MCM3AP: variants seen among roughly 807,000 people sequenced by gnomAD.
The protein encoded by MCM3AP is minichromosome maintenance complex component 3 associated protein.
MCM3AP carries 126 observed loss-of-function variants against 184.1 expected under a neutral mutation model. The observed-to-expected ratio is 0.68, with a 90% confidence interval of 0.59 to 0.79. The LOEUF is 0.79. MCM3AP is among the 30% of genes least tolerant of loss of function. The probability of loss-of-function intolerance (pLI) is 0.00; values close to 1 mark genes in which losing one functional copy is unlikely to be tolerated. For missense variants in MCM3AP, 2,496 were observed against 2,479.2 expected (o/e 1.01, Z -0.14); for synonymous variants, 1,002 against 979.3 (o/e 1.02, Z -0.43).
rs752878205 is a variant in MCM3AP at position 46,280,488 on chromosome 21, A to C, written c.1522+9T>G. ...TTTTAAAAAGTGAAAAGAATAATTG[A>C]AAACTCACTTATTTTCTTCCTGTGC... On this transcript the variant is annotated intron_variant, in intron 3 of 27. Coordinates refer to ENST00000291688, the MANE Select transcript of MCM3AP (RefSeq NM_003906.5). 1.3e-6 allele frequency: 2 copies of C among 1,581,566 alleles called. No individual in the cohort carries two copies. The highest frequency in any genetic ancestry group is 2.3e-5 in the South Asian group (2 of 88,044).
intron 5 of MCM3AP, among the ~76,000 whole-genome samples, chr21:46,276,064 C>T (rs1485901430): frequency 6.6e-6 from 1 of 152,098 alleles, no homozygotes; most frequent in Non-Finnish European, 1.5e-5. Flanking sequence ...CCAGCCTGAC[C>T]AACATGGAGA....
Position 46,283,851 on chromosome 21 carries a change from A to G in MCM3AP, c.1220-13T>C. 1 of 1,604,300 alleles carries G rather than the reference A, an allele frequency of 6.2e-7. No homozygotes were observed. Among genetic ancestry groups the G allele is most frequent in the Non-Finnish European group, 8.5e-7 (1 of 1,172,722 alleles). On this transcript the variant is annotated splice_polypyrimidine_tract_variant and intron_variant, in intron 1 of 27. Coordinates refer to ENST00000291688, the MANE Select transcript of MCM3AP (RefSeq NM_003906.5). ...CCTCTTAGAGAATCTAGGGGTTCAG[A>G]GAATGGACACTTAAACCATCAGATG...
chr21:46,249,905 T>C (rs1004905930), intron 20 of MCM3AP: 2 of 182,876 alleles, frequency 1.1e-5, no homozygotes, highest in African/African-American at 4.8e-5. Context: ...GCAGAGACGC[T>C]AGGGAACTTG....
intron 24 of MCM3AP, 133 bp downstream of exon 24, chr21:46,243,332 G>A (rs547879361): frequency 9.3e-7 from 1 of 1,078,976 alleles, no homozygotes; most frequent in South Asian, 1.6e-5. Context: ...CACTTGAAGA[G>A]GGAAGTCCTA....
In MCM3AP at chr21:46,278,897, T is replaced by A. The variant is rs556365141; in HGVS notation, c.1667+1096A>T. On this transcript the variant is annotated intron_variant, in intron 4 of 27. Transcript: ENST00000291688. ...ACCATATCAGCCAGGATGGTCTCAATCTCCTGACCTTGTGATCCGCCCGCC... is the reference window on the plus strand; with the variant it reads ...ACCATATCAGCCAGGATGGTCTCAAACTCCTGACCTTGTGATCCGCCCGCC... Among the ~76,000 whole-genome samples, 73 of 148,348 alleles carry A rather than the reference T, an allele frequency of 4.9e-4. 1 individual carries two copies. The highest frequency in any genetic ancestry group is 1.7e-3 in the African/African-American group (68 of 40,042).
chr21:46,264,506 C>G (rs561102139), intron 12 of MCM3AP, among the ~76,000 whole-genome samples: 15 of 152,202 alleles, frequency 9.9e-5, no homozygotes, highest in Non-Finnish European at 1.9e-4. Flanking sequence ...CTAAGCACTC[C>G]CTGATCCCCA....
At chr21:46,253,863 C>T (rs2080909183) in intron 19 of MCM3AP, 1 of 161,150 alleles carries the variant, frequency 6.2e-6, no homozygotes, top group South Asian at 1.8e-4. Flanking sequence ...TGCAGCACCT[C>T]CCCCTTGCTG....
At position 46,261,335 on chromosome 21, in the gene MCM3AP, C is replaced by T. The variant is rs748339971; in HGVS notation, c.3412G>A (p.Val1138Met). Residue 1138 changes from valine to methionine, a missense_variant, in exon 14 of 28, where the codon GTG becomes ATG. Physicochemically the swap from Val to Met is conservative, Grantham distance 21. Around this residue, in one of 5 missense-constraint regions of MCM3AP, gnomAD observed 1,323 missense variants for 1,273.4 expected, o/e 1.04. Transcript: ENST00000291688. ...TCCCTTCGCTCTCTTTCCTTAGACA[C>T]TTCTTCAGCTGCAATGTGCCTCAAA... ...GILRHIAAEE[V>M]SKERERREQE... The T allele has an allele frequency of 1.7e-5, 27 of 1,614,200 alleles. No homozygotes were observed. Among genetic ancestry groups the T allele is most frequent in the Non-Finnish European group, 2.2e-5 (26 of 1,180,032 alleles).
intron 4 of MCM3AP, among the ~76,000 whole-genome samples, chr21:46,278,906 CT>C (rs1404403649): frequency 1.3e-5 from 2 of 148,190 alleles, no homozygotes; most frequent in African/African-American, 5.0e-5. Context: ...ATCTCCTGAC[CT>C]TGTGATCCGC....
intron 20 of MCM3AP, chr21:46,249,505 AC>A: frequency 2.3e-6 from 1 of 431,662 alleles, no homozygotes; most frequent in East Asian, 7.1e-5. Context: ...ATAATTTTCT[AC>A]CTATAATTTT....
chr21:46,246,899 C>G lies in MCM3AP; in HGVS notation c.4291-13G>C, dbSNP rs760209164. ...CGCCATGGGCCACCTGCAACAGCAT[C>G]AAGATCATCAGGAGAGATGCACCAT... is the stretch of plus-strand genomic sequence containing the variant. On this transcript the variant is annotated splice_polypyrimidine_tract_variant and intron_variant, in intron 20 of 27. Coordinates refer to ENST00000291688, the MANE Select transcript of MCM3AP (RefSeq NM_003906.5). 1 of 1,612,574 alleles carries G rather than the reference C, an allele frequency of 6.2e-7. No individual in the cohort carries two copies. The highest frequency in any genetic ancestry group is 2.2e-5 in the East Asian group (1 of 44,842).
chr21:46,247,140 A>C, intron 20 of MCM3AP: 1 of 443,394 alleles, frequency 2.3e-6, no homozygotes, highest in Admixed American at 3.6e-5. Flanking sequence ...TTTTTTTGAG[A>C]AGGGGGTCTT....
chr21:46,258,836 CT>C (rs1245236469), intron 16 of MCM3AP, 102 bp downstream of exon 16: 5 of 1,276,278 alleles, frequency 3.9e-6, no homozygotes, highest in Non-Finnish European at 5.6e-6. Flanking sequence ...TTCCCTCATC[CT>C]TTTACCACTG....
At chr21:46,246,281 G>C in intron 22 of MCM3AP, 26 bp downstream of exon 22, 6 of 1,389,254 alleles carry the variant, frequency 4.3e-6, no homozygotes, top group Non-Finnish European at 6.2e-6. Context: ...TATCTTGACA[G>C]ACCATTAAAA....
chr21:46,240,802 G>T lies in MCM3AP; in HGVS notation c.5633+9C>A. The T allele has an allele frequency of 6.2e-7, 1 of 1,612,274 alleles. No individual in the cohort carries two copies. The highest frequency in any genetic ancestry group is 8.5e-7 in the Non-Finnish European group (1 of 1,178,942). ...AAACACACATGAATTAGAAGGAAGT[G>T]GGCTTCACCTCTTGTTCTCTTCTTT... On this transcript the variant is annotated intron_variant, in intron 26 of 27. Transcript: ENST00000291688.
rs1324065811 is a variant in MCM3AP at position 46,272,653 on chromosome 21, C to G, written c.2373G>C (p.Gln791His). 1 of 1,614,118 alleles carries G rather than the reference C, an allele frequency of 6.2e-7. No homozygotes were observed. The highest frequency in any genetic ancestry group is 8.5e-7 in the Non-Finnish European group (1 of 1,180,054). ...AGAAGACACCCTTGTTTCTCAGGTC[C>G]TGGTACATCTCCTTCAGGCTCTGCA... ...KCLQSLKEMY[Q>H]DLRNKGVFCA... The change falls in exon 8 of 28, where the codon CAG (glutamine) becomes CAC (histidine). Residue 791 changes from glutamine to histidine, a missense_variant. Physicochemically the swap from Gln to His is conservative, Grantham distance 24. Coordinates refer to ENST00000291688, the MANE Select transcript of MCM3AP (RefSeq NM_003906.5).
At position 46,245,023 on chromosome 21, in the gene MCM3AP, T is replaced by C; in HGVS notation, c.4822A>G (p.Ile1608Val). Residue 1608 changes from isoleucine to valine, a missense_variant, in exon 23 of 28, where the codon ATC (isoleucine) becomes GTC (valine). Ile to Val is a conservative substitution (Grantham distance 29). Around this residue, in one of 5 missense-constraint regions of MCM3AP, gnomAD observed 1,323 missense variants for 1,273.4 expected, o/e 1.04. Transcript: ENST00000291688. The stretch of plus-strand genomic sequence containing the variant: ...AGCACACTGTTAAACAGCTCAATGA[T>C]GGCGCCAGGCTCCTGAGAAGCAAGA... ...GGLASQEPGA[I>V]IELFNSVLQF... 1 of 1,614,180 alleles carries C rather than the reference T, an allele frequency of 6.2e-7. No individual in the cohort carries two copies. Among genetic ancestry groups the C allele is most frequent in the Non-Finnish European group, 8.5e-7 (1 of 1,180,024 alleles).
chr21:46,255,203 G>A (rs1465373507), intron 17 of MCM3AP, among the ~76,000 whole-genome samples: 3 of 152,150 alleles, frequency 2.0e-5, no homozygotes, highest in African/African-American at 4.8e-5. Flanking sequence ...GGGTGGTCAG[G>A]TGATATGTGA....
chr21:46,237,377 A>G (rs1263917494), intron 26 of MCM3AP, among the ~76,000 whole-genome samples: 1 of 152,052 alleles, frequency 6.6e-6, no homozygotes, highest in Non-Finnish European at 1.5e-5. Context: ...TGCTGGGATT[A>G]CAGGAGTGAG....
Sources: gnomAD v4.1 joint callset for allele counts (sites outside exome capture counted in the v4.1 genomes callset) on GRCh38, gnomAD v4.1.1 for gene constraint, gnomAD v4.1.1 regional missense constraint, MANE v1.5 for transcripts, NCBI Gene and HGNC (gene_info 2026-07-23, HGNC 2026-07-21) for gene names.